PALLD: variants seen among roughly 807,000 people sequenced by gnomAD.
PALLD encodes the protein palladin.
In PALLD, 61 loss-of-function variants were observed where a neutral mutation model predicts 123.5. The observed-to-expected ratio is 0.49, with a 90% CI of 0.40 to 0.61. The LOEUF (loss-of-function observed/expected upper bound fraction) is 0.61, where lower values mean the gene tolerates loss of function less well. Ranked by LOEUF, PALLD falls within the 20% of genes least tolerant of loss-of-function variation. PALLD has a pLI of 0.00. For synonymous variants in PALLD, 465 were observed against 496.4 expected (o/e 0.94, Z 0.84); for missense variants, 1,273 against 1,377.0 (o/e 0.92, Z 1.20).
chr4:168,690,570 A>G, intron 6 of PALLD, 33 bp from the exon 7 acceptor site: 1 of 1,613,950 alleles, frequency 6.2e-7, no homozygotes, highest in Non-Finnish European at 8.5e-7. Context: ...CCAAAGTCTG[A>G]TGGGGTTTTC....
At chr4:168,540,972 CT>C (rs1765552991) in intron 2 of PALLD, among the ~76,000 whole-genome samples, 1 of 152,178 alleles carries the variant, frequency 6.6e-6, no homozygotes, top group Non-Finnish European at 1.5e-5. Flanking sequence ...TAGATATACT[CT>C]AAATTGTTGA....
intron 2 of PALLD, among the ~76,000 whole-genome samples, chr4:168,527,568 T>C (rs1216709535): frequency 1.3e-5 from 2 of 152,104 alleles, no homozygotes; most frequent in Non-Finnish European, 2.9e-5. Flanking sequence ...GAAAAGAAAC[T>C]TAAATATTCC....
At chr4:168,701,883 C>T (rs960987708) in intron 8 of PALLD, among the ~76,000 whole-genome samples, 9 of 152,118 alleles carry the variant, frequency 5.9e-5, no homozygotes, top group South Asian at 2.1e-4. Flanking sequence ...GCAGCATCTG[C>T]GAAGGGAGAA....
chr4:168,521,085 G>T (rs1487050236), intron 2 of PALLD, among the ~76,000 whole-genome samples: 1 of 152,008 alleles, frequency 6.6e-6, no homozygotes, highest in Non-Finnish European at 1.5e-5. Flanking sequence ...TGAATTTGTG[G>T]TGTTTCAGTA....
At chr4:168,524,124 T>C (rs1190811546) in intron 2 of PALLD, among the ~76,000 whole-genome samples, 1 of 152,216 alleles carries the variant, frequency 6.6e-6, no homozygotes, top group South Asian at 2.1e-4. Flanking sequence ...TAATCAGAAC[T>C]CTTTACAGAA....
At chr4:168,682,184 T>G (rs1277698373) in intron 4 of PALLD, among the ~76,000 whole-genome samples, 3 of 152,200 alleles carry the variant, frequency 2.0e-5, no homozygotes, top group Non-Finnish European at 4.4e-5. Context: ...GTTAATATCT[T>G]AATTATTTGG....
intron 10 of PALLD, among the ~76,000 whole-genome samples, chr4:168,872,989 T>C (rs971019215): frequency 3.3e-5 from 5 of 152,234 alleles, no homozygotes; most frequent in African/African-American, 1.2e-4. Flanking sequence ...ATGCATATGA[T>C]ACTGAGCTAA....
At chr4:168,549,025 A>C (rs1766457544) in intron 2 of PALLD, among the ~76,000 whole-genome samples, 1 of 152,120 alleles carries the variant, frequency 6.6e-6, no homozygotes, top group Non-Finnish European at 1.5e-5. Flanking sequence ...TATCTCTAAA[A>C]AAGAAAGAAA....
At chr4:168,799,926 A>G (rs1036225342) in intron 10 of PALLD, among the ~76,000 whole-genome samples, 1 of 152,180 alleles carries the variant, frequency 6.6e-6, no homozygotes, top group Non-Finnish European at 1.5e-5. Context: ...ATGCACTTAT[A>G]TAGGGTACCC....
intron 10 of PALLD, among the ~76,000 whole-genome samples, chr4:168,723,562 G>T (rs1488142970): frequency 6.6e-6 from 1 of 152,204 alleles, no homozygotes; most frequent in African/African-American, 2.4e-5. Context: ...GAAGGAAGAT[G>T]AGGAGGAAGA....
chr4:168,662,597 A>G (rs1240432068), intron 2 of PALLD, among the ~76,000 whole-genome samples: 4 of 152,222 alleles, frequency 2.6e-5, no homozygotes, highest in Non-Finnish European at 4.4e-5. Context: ...CCTATTTTGT[A>G]TGTTTCACTG....
chr4:168,648,763 A>G (rs1777740804), intron 2 of PALLD: 1 of 152,208 alleles, frequency 6.6e-6, no homozygotes, highest in Non-Finnish European at 1.5e-5. Context: ...ATATGCTCCA[A>G]TCACTCTTAC....
At chr4:168,896,066 C>T (rs762107238) in intron 12 of PALLD, among the ~76,000 whole-genome samples, 18 of 152,010 alleles carry the variant, frequency 1.2e-4, no homozygotes, top group Non-Finnish European at 2.2e-4. Context: ...AAAAATTAGC[C>T]GGGTGTGGTG....
At chr4:168,606,782 C>T (rs79927585) in intron 2 of PALLD, among the ~76,000 whole-genome samples, 9,027 of 152,160 alleles carry the variant, frequency 0.059, 918 homozygotes, top group African/African-American at 0.21. Flanking sequence ...CTAGTGTCCC[C>T]TTTGAATCCC....
chr4:168,543,578 A>G (rs1250155233), intron 2 of PALLD, among the ~76,000 whole-genome samples: 1 of 152,160 alleles, frequency 6.6e-6, no homozygotes, highest in Non-Finnish European at 1.5e-5. Flanking sequence ...TAAATGAAGT[A>G]AATGAAAATG....
chr4:168,525,231 G>A (rs1408953340), intron 2 of PALLD, among the ~76,000 whole-genome samples: 2 of 152,126 alleles, frequency 1.3e-5, no homozygotes, highest in African/African-American at 4.8e-5. Context: ...TTCTACAAAA[G>A]GCCATTGCAA....
chr4:168,786,511 A>G (rs576996237), intron 10 of PALLD, among the ~76,000 whole-genome samples: 1 of 152,258 alleles, frequency 6.6e-6, no homozygotes, highest in African/African-American at 2.4e-5. Flanking sequence ...CTGTCTCTAC[A>G]AAATAACTTT....
Position 168,762,943 on chromosome 4 carries a change from C to T in PALLD, c.1964+51020C>T, listed in dbSNP as rs576316970. On this transcript the variant is annotated intron_variant, in intron 10 of 21. Coordinates refer to ENST00000505667, the MANE Select transcript of PALLD (RefSeq NM_001166108.2). ...CACAGGAACAGAAAACCAAACACCA[C>T]ATGTTCTCACTCATAAGTGGGAGTT... Among the ~76,000 whole-genome samples the T allele has an allele frequency of 3.3e-5, 5 of 152,272 alleles. No homozygotes were observed. The South Asian group carries it at 1.0e-3, about 32-fold the overall frequency.
chr4:168,561,023 A>G (rs1186369247), intron 2 of PALLD, among the ~76,000 whole-genome samples: 4 of 152,126 alleles, frequency 2.6e-5, no homozygotes, highest in African/African-American at 7.2e-5. Flanking sequence ...TGCAGTCAAG[A>G]GGGAGGCATT....
Sources: allele counts gnomAD v4.1 joint callset (sites outside exome capture counted in the v4.1 genomes callset), GRCh38; gene constraint gnomAD v4.1.1; transcripts MANE v1.5; gene names NCBI Gene and HGNC (gene_info 2026-07-23, HGNC 2026-07-21).